The following ACTR1B variants were observed in gnomAD, a reference collection of about 807,000 sequenced individuals.
The protein encoded by ACTR1B is actin related protein 1B, also known as beta-centractin.
In ACTR1B, 34 loss-of-function variants were observed where a neutral mutation model predicts 49.4. The ratio of observed to expected loss-of-function variants is 0.69; its 90% CI spans 0.52 to 0.92. The LOEUF (loss-of-function observed/expected upper bound fraction) is 0.92. Ranked by LOEUF, ACTR1B falls within the 40% of genes least tolerant of loss-of-function variation. The probability of loss-of-function intolerance (pLI) is 0.00; values close to 1 mark genes in which losing one functional copy is unlikely to be tolerated. For synonymous variants in ACTR1B, 207 were observed against 207.8 expected (o/e 1.00, Z 0.03); for missense variants, 471 against 522.4 (o/e 0.90, Z 0.96).
chr2:97,656,208 G>A lies in ACTR1B; in HGVS notation c.*650C>T, dbSNP rs1226027478. 6.6e-6 allele frequency: 1 copy of A among 152,398 alleles called. No homozygotes were observed. The highest frequency in any genetic ancestry group is 2.4e-5 in the African/African-American group (1 of 41,450). 9.4% of individuals were successfully genotyped at this position (152,398 alleles called of 1,614,324 possible). ...TTTCCCACCCAGGGTGCCGAGGGTA[G>A]AGGGAGGAGCAAGTGGATGAAGTGC... On this transcript the variant is annotated 3_prime_UTR_variant, in exon 11 of 11. Coordinates refer to ENST00000289228, the MANE Select transcript of ACTR1B (RefSeq NM_005735.4).
At position 97,656,510 on chromosome 2, in the gene ACTR1B, G is replaced by A. The variant is rs1674846077; in HGVS notation, c.*348C>T. 7.3e-6 allele frequency: 2 copies of A among 275,186 alleles called. No individual in the cohort carries two copies. Among genetic ancestry groups the A allele is most frequent in the Non-Finnish European group, 1.4e-5 (2 of 141,642 alleles). 17.0% of individuals were successfully genotyped at this position (275,186 alleles called of 1,614,324 possible). On this transcript the variant is annotated 3_prime_UTR_variant, in exon 11 of 11. Transcript: ENST00000289228. ...GCCCACTCCCCAAACTGGCTACCCA[G>A]GCATCCAGGCATTCTGGCCCTGGAG...
At position 97,661,018 on chromosome 2, in the gene ACTR1B, C is replaced by G. The variant is rs967148143; in HGVS notation, c.114-372G>C. ...CCATCCACAGACTGAGGGAGGACAA[C>G]CCCAGGAAGCTGGGTCGGGGCTCCC... On this transcript the variant is annotated intron_variant, in intron 2 of 10. Coordinates refer to ENST00000289228, the MANE Select transcript of ACTR1B (RefSeq NM_005735.4). Among the ~76,000 whole-genome samples, 3 of 152,224 alleles carry G rather than the reference C, an allele frequency of 2.0e-5. No individual in the cohort carries two copies. The East Asian group carries it at 5.8e-4, about 29-fold the overall frequency.
At position 97,657,173 on chromosome 2, in the gene ACTR1B, C is replaced by T. The variant is rs761642464; in HGVS notation, c.1007G>A (p.Arg336Gln). 1 of 1,613,650 alleles carries T rather than the reference C, an allele frequency of 6.2e-7. No individual in the cohort carries two copies. The highest frequency in any genetic ancestry group is 8.5e-7 in the Non-Finnish European group (1 of 1,179,844). Residue 336 changes from arginine to glutamine, a missense_variant, in exon 10 of 11, where the codon CGG becomes CAG. Coordinates refer to ENST00000289228, the MANE Select transcript of ACTR1B (RefSeq NM_005735.4). ...TCACCCAATCCATGTGGAGTACAGC[C>T]GTTCCTGCGGGGCTGAGATCTAGAA... ...IKIKISAPQERLYSTWIGGSI... is the reference protein window; with the variant it reads ...IKIKISAPQEQLYSTWIGGSI...
Position 97,657,156 on chromosome 2 carries a change from T to G in ACTR1B, c.1024A>C (p.Ile342Leu), listed in dbSNP as rs1478602481. The G allele has an allele frequency of 6.2e-7, 1 of 1,613,502 alleles. No homozygotes were observed. The highest frequency in any genetic ancestry group is 8.5e-7 in the Non-Finnish European group (1 of 1,179,764). ...CTCCCTTGAGCCCCGCCTCACCCAA[T>G]CCATGTGGAGTACAGCCGTTCCTGC... ...APQERLYSTW[I>L]GGSILASLDT... is the part of the protein sequence containing the mutation. Residue 342 changes from isoleucine to leucine, a missense_variant, in exon 10 of 11, where the codon ATT becomes CTT. By Grantham distance (5) the Ile-to-Leu change is conservative (BLOSUM62 2). Coordinates refer to ENST00000289228, the MANE Select transcript of ACTR1B (RefSeq NM_005735.4).
intron 1 of ACTR1B, among the ~76,000 whole-genome samples, chr2:97,663,628 G>A (rs1177294831): frequency 2.0e-5 from 3 of 151,982 alleles, no homozygotes; most frequent in Non-Finnish European, 2.9e-5. Flanking sequence ...GGTCGGGGAA[G>A]AGGCTCTGCG....
At chr2:97,657,726 T>G (rs981096936) in intron 8 of ACTR1B, among the ~76,000 whole-genome samples, 3 of 152,236 alleles carry the variant, frequency 2.0e-5, no homozygotes, top group African/African-American at 7.2e-5. Flanking sequence ...ACATGCTCCT[T>G]GCTCGACTCT....
Position 97,663,980 on chromosome 2 carries a change from C to A in ACTR1B, c.-90G>T. The A allele has an allele frequency of 1.2e-6, 1 of 829,654 alleles. No homozygotes were observed. The highest frequency in any genetic ancestry group is 1.6e-6 in the Non-Finnish European group (1 of 624,820). The allele number at this position is 829,654 out of a possible 1,614,324, so 51.4% of individuals were successfully genotyped here. A position where few individuals can be genotyped will look rare whatever the true frequency, so the allele number is the denominator to read the frequency against. ...GGGAGGACCGGGACGGCGGCGGCTCCCGACGCGGCGCCGCTGCCCTCCCTC... is the reference window on the plus strand; with the variant it reads ...GGGAGGACCGGGACGGCGGCGGCTCACGACGCGGCGCCGCTGCCCTCCCTC... On this transcript the variant is annotated 5_prime_UTR_variant, in exon 1 of 11. Transcript: ENST00000289228.
chr2:97,657,141 C>A lies in ACTR1B; in HGVS notation c.1028+11G>T, dbSNP rs779594287. On this transcript the variant is annotated intron_variant, in intron 10 of 10. Coordinates refer to ENST00000289228, the MANE Select transcript of ACTR1B (RefSeq NM_005735.4). ...TCTCCTCCCAGAGCCCTCCCTTGAG[C>A]CCCGCCTCACCCAATCCATGTGGAG... The A allele has an allele frequency of 6.2e-7, 1 of 1,612,538 alleles. No individual in the cohort carries two copies. The highest frequency in any genetic ancestry group is 1.7e-5 in the Admixed American group (1 of 59,868).
At position 97,656,424 on chromosome 2, in the gene ACTR1B, G is replaced by A. The variant is rs576420092; in HGVS notation, c.*434C>T. The A allele has an allele frequency of 3.6e-5, 8 of 222,618 alleles. No individual in the cohort carries two copies. Among genetic ancestry groups the A allele is most frequent in the South Asian group, 2.5e-4 (4 of 16,088 alleles). The allele number at this position is 222,618 out of a possible 1,614,324, so 13.8% of individuals were successfully genotyped here. A position where few individuals can be genotyped will look rare whatever the true frequency, so the allele number is the denominator to read the frequency against. On this transcript the variant is annotated 3_prime_UTR_variant, in exon 11 of 11. Transcript: ENST00000289228. ...GGGCTGTGTCACCCTGTCAGGTCAC[G>A]AACAGGAGGTGGCAATGGATGCAGT...
rs538409935 is a variant in ACTR1B at position 97,660,656 on chromosome 2, C to T, written c.114-10G>A. On this transcript the variant is annotated splice_polypyrimidine_tract_variant and intron_variant, in intron 2 of 10. Transcript: ENST00000289228. ...CTTCGGCCGCCCGACACTGTTAGGA[C>T]GGATAACGTCAGCAAGGTGGGCAGG... 3.5e-5 allele frequency: 56 copies of T among 1,613,708 alleles called. 1 individual carries two copies. In the East Asian group the frequency reaches 4.5e-4, roughly 13 times the overall value.
intron 3 of ACTR1B, chr2:97,660,040 G>A (rs1674969891): frequency 5.6e-6 from 1 of 179,410 alleles, no homozygotes; most frequent in Non-Finnish European, 1.2e-5. Flanking sequence ...CCCCATCTGC[G>A]AGACCCCCAC....
In ACTR1B at chr2:97,663,955, G is replaced by C; in HGVS notation, c.-65C>G. 1.2e-6 allele frequency: 1 copy of C among 858,982 alleles called. No homozygotes were observed. Among genetic ancestry groups the C allele is most frequent in the South Asian group, 4.1e-5 (1 of 24,608 alleles). The allele number at this position is 858,982 out of a possible 1,614,324, so 53.2% of individuals were successfully genotyped here. A position where few individuals can be genotyped will look rare whatever the true frequency, so the allele number is the denominator to read the frequency against. ...GGAGGCACCGGATGGGCGGGCGGGC[G>C]GGAGGACCGGGACGGCGGCGGCTCC... is the stretch of plus-strand genomic sequence containing the variant. On this transcript the variant is annotated 5_prime_UTR_variant, in exon 1 of 11. Transcript: ENST00000289228.
chr2:97,657,827 T>C (rs1231004446), intron 8 of ACTR1B, 116 bp downstream of exon 8: 1 of 1,294,800 alleles, frequency 7.7e-7, no homozygotes, highest in Admixed American at 2.3e-5. Flanking sequence ...AAAAAAAATG[T>C]TCATTGAGCA....
chr2:97,663,695 C>G, intron 1 of ACTR1B, 148 bp downstream of exon 1: 1 of 254,482 alleles, frequency 3.9e-6, no homozygotes. Context: ...AGGGCGCGCG[C>G]CCCCGGGGCG....
At chr2:97,657,660 C>A (rs1302109003) in intron 8 of ACTR1B, 151 bp from the exon 9 acceptor site, 1 of 905,718 alleles carries the variant, frequency 1.1e-6, no homozygotes, top group Admixed American at 2.2e-5. Flanking sequence ...ATGATCCAGC[C>A]CCATGGCTGC....
At position 97,659,241 on chromosome 2, in the gene ACTR1B, A is replaced by G; in HGVS notation, c.315+111T>C. On this transcript the variant is annotated intron_variant, in intron 4 of 10. Transcript: ENST00000289228. This position sits in a 1 kb window ranked among gnomAD's most constrained non-coding sequence, Gnocchi z 4.0. ...ACCCAGACACACACGGAAAGGCAGC[A>G]GGCCCTCTAGAAATGTAGAAGGGAA... 1.3e-6 allele frequency: 2 copies of G among 1,531,878 alleles called. No homozygotes were observed. The highest frequency in any genetic ancestry group is 1.8e-6 in the Non-Finnish European group (2 of 1,126,320). 94.9% of individuals were successfully genotyped at this position (1,531,878 alleles called of 1,614,324 possible). A position where few individuals can be genotyped will look rare whatever the true frequency, so the allele number is the denominator to read the frequency against.
chr2:97,663,845 T>A lies in ACTR1B; in HGVS notation c.46A>T (p.Asn16Tyr). The change falls in exon 1 of 11, where the codon AAC becomes TAC. Residue 16 changes from asparagine to tyrosine, a missense_variant and splice_region_variant. Physicochemically the swap from Asn to Tyr is moderately radical, Grantham distance 143. Coordinates refer to ENST00000289228, the MANE Select transcript of ACTR1B (RefSeq NM_005735.4). Reference protein sequence around the residue: ...IIANQPVVIDNGSGVIKAGFA... With the variant: ...IIANQPVVIDYGSGVIKAGFA... ...TCCCCCTGGCTGCCGGGCCTCACGT[T>A]GTCGATGACCACAGGCTGGTTGGCG... 7.1e-7 allele frequency: 1 copy of A among 1,412,588 alleles called. No individual in the cohort carries two copies. The highest frequency in any genetic ancestry group is 3.3e-5 in the East Asian group (1 of 30,566). 87.5% of individuals were successfully genotyped at this position (1,412,588 alleles called of 1,614,324 possible). A position where few individuals can be genotyped will look rare whatever the true frequency, so the allele number is the denominator to read the frequency against.
At position 97,658,644 on chromosome 2, in the gene ACTR1B, C is replaced by T. The variant is rs1166380713; in HGVS notation, c.441-1G>A. The T allele has an allele frequency of 6.2e-7, 1 of 1,613,546 alleles. No homozygotes were observed. The highest frequency in any genetic ancestry group is 1.7e-5 in the Admixed American group (1 of 59,992). On this transcript the variant is annotated splice_acceptor_variant, in intron 5 of 10. Transcript: ENST00000289228. LOFTEE classifies it high-confidence loss of function. This position sits in a 1 kb window ranked among gnomAD's most constrained non-coding sequence, Gnocchi z 5.9. ...TCCTGTCGTGCGTCCTGTTGCGTACCTGTCACCAGGTCAGCATCCCCTCAC... is the reference window on the plus strand; with the variant it reads ...TCCTGTCGTGCGTCCTGTTGCGTACTTGTCACCAGGTCAGCATCCCCTCAC...
Position 97,658,937 on chromosome 2 carries a change from A to G in ACTR1B, c.382T>C (p.Phe128Leu), listed in dbSNP as rs140198472. The G allele has an allele frequency of 3.7e-6, 6 of 1,614,058 alleles. No individual in the cohort carries two copies. The highest frequency in any genetic ancestry group is 5.1e-6 in the Non-Finnish European group (6 of 1,179,974). ...GCCGGCACGTTGAAGGTCTCAAAGAACACCTCTGCCGCCTTCTCCCGGTTC... is the reference window on the plus strand; with the variant it reads ...GCCGGCACGTTGAAGGTCTCAAAGAGCACCTCTGCCGCCTTCTCCCGGTTC... ...SKNREKAAEV[F>L]FETFNVPALF... Residue 128 changes from phenylalanine (F) to leucine (L), a missense_variant, in exon 5 of 11, where the codon TTC becomes CTC. Physicochemically the swap from Phe to Leu is conservative, Grantham distance 22. Transcript: ENST00000289228. The surrounding 1 kb of genome is among the most constrained non-coding windows in gnomAD (Gnocchi z 5.9).
Sources: gnomAD v4.1 joint callset for allele counts (sites outside exome capture counted in the v4.1 genomes callset) on GRCh38, gnomAD v4.1.1 for gene constraint, Gnocchi (gnomAD v3.1) non-coding constraint, MANE v1.5 for transcripts, NCBI Gene and HGNC (gene_info 2026-07-23, HGNC 2026-07-21) for gene names.